RAB5B: variants seen among roughly 807,000 people sequenced by gnomAD.
RAB5B encodes ras-related protein Rab-5B.
In RAB5B, 11 loss-of-function variants were observed where a neutral mutation model predicts 28.6. The observed-to-expected ratio is 0.38, with a 90% CI of 0.24 to 0.64. The LOEUF is 0.64. Among genes scored for constraint, RAB5B ranks in the 30% least tolerant of loss-of-function variants. The probability of loss-of-function intolerance (pLI) is 0.53; values close to 1 mark genes in which losing one functional copy is unlikely to be tolerated. For missense variants in RAB5B, 169 were observed against 265.6 expected (o/e 0.64, Z 2.53); for synonymous variants, 93 against 97.9 (o/e 0.95, Z 0.29).
chr12:55,989,734 T>A (rs1243904927), intron 2 of RAB5B, among the ~76,000 whole-genome samples: 1 of 152,238 alleles, frequency 6.6e-6, no homozygotes, highest in African/African-American at 2.4e-5. Flanking sequence ...CCTTAGCTAG[T>A]GACATTTCTG....
At chr12:55,979,616 G>A (rs1186109564) in intron 1 of RAB5B, 2 of 152,174 alleles carry the variant, frequency 1.3e-5, no homozygotes. Context: ...GTCCTGGCAG[G>A]GTTTGGTCAT....
At chr12:55,981,789 C>G (rs918883024) in intron 1 of RAB5B, among the ~76,000 whole-genome samples, 8 of 150,872 alleles carry the variant, frequency 5.3e-5, no homozygotes, top group Admixed American at 5.3e-4. Flanking sequence ...ATAAGTCATT[C>G]TTGTAGAGCC....
intron 2 of RAB5B, among the ~76,000 whole-genome samples, chr12:55,987,979 C>T (rs1308786259): frequency 2.0e-5 from 3 of 152,044 alleles, no homozygotes; most frequent in African/African-American, 7.2e-5. Context: ...AAATCCCCGT[C>T]TCTACTAAAA....
chr12:55,990,655 C>G, intron 3 of RAB5B, 27 bp from the exon 4 acceptor site: 1 of 1,612,070 alleles, frequency 6.2e-7, no homozygotes, highest in South Asian at 1.1e-5. Context: ...TCATTCCAGC[C>G]TACTCATTCT....
intron 1 of RAB5B, among the ~76,000 whole-genome samples, chr12:55,984,979 ATAT>A (rs1889914007): frequency 6.6e-6 from 1 of 152,180 alleles, no homozygotes; most frequent in South Asian, 2.1e-4. Flanking sequence ...TAGTAGCTTA[ATAT>A]TTATTTAGCA....
chr12:55,992,416 C>A lies in RAB5B; in HGVS notation c.*204C>A, dbSNP rs533884973. 2 of 685,194 alleles carry A rather than the reference C, an allele frequency of 2.9e-6. No individual in the cohort carries two copies. Among genetic ancestry groups the A allele is most frequent in the Non-Finnish European group, 2.7e-6 (1 of 376,982 alleles). 42.4% of individuals were successfully genotyped at this position (685,194 alleles called of 1,614,324 possible). On this transcript the variant is annotated 3_prime_UTR_variant, in exon 6 of 6. Coordinates refer to ENST00000360299, the MANE Select transcript of RAB5B (RefSeq NM_002868.4). ...AGCTGTTGCCACTGGCCTCCTACCC[C>A]CTACTCTGGGGCTTGGGGGTCAACT...
chr12:55,993,433 T>C lies in RAB5B; in HGVS notation c.*1221T>C, dbSNP rs1890197029. 1 of 152,620 alleles carries C rather than the reference T, an allele frequency of 6.6e-6. No homozygotes were observed. Among genetic ancestry groups the C allele is most frequent in the African/African-American group, 2.4e-5 (1 of 41,442 alleles). 9.5% of individuals were successfully genotyped at this position (152,620 alleles called of 1,614,324 possible). ...AGGTTTGCCTTTCCTGGAGAATTAA[T>C]TGAGCAATTGAGGAGTGTCTCAGGA... On this transcript the variant is annotated 3_prime_UTR_variant, in exon 6 of 6. Coordinates refer to ENST00000360299, the MANE Select transcript of RAB5B (RefSeq NM_002868.4).
intron 3 of RAB5B, 47 bp downstream of exon 3, chr12:55,990,145 T>C: frequency 3.2e-6 from 5 of 1,563,148 alleles, no homozygotes; most frequent in Non-Finnish European, 4.3e-6. Flanking sequence ...CATGGTGGCT[T>C]ACGCCTATAA....
At chr12:55,988,958 T>TG (rs869267522) in intron 2 of RAB5B, among the ~76,000 whole-genome samples, 4 of 147,252 alleles carry the variant, frequency 2.7e-5, no homozygotes, top group African/African-American at 7.6e-5. Flanking sequence ...TTTTTTTTTT[T>TG]GGATACTGAG....
chr12:55,996,003 A>ATATATTTT lies in RAB5B; in HGVS notation c.*3792_*3793insATATTTTT. ...TATATACATATATATATATATATAT[A>ATATATTTT]TTTTTTTTTTAACAACTGGTAGGAT... is the stretch of plus-strand genomic sequence containing the variant. On this transcript the variant is annotated 3_prime_UTR_variant, in exon 6 of 6. Coordinates refer to ENST00000360299, the MANE Select transcript of RAB5B (RefSeq NM_002868.4). 1.1e-3 allele frequency: 108 copies of ATATATTTT among 97,386 alleles called. 1 individual carries two copies. Among genetic ancestry groups the ATATATTTT allele is most frequent in the Non-Finnish European group, 1.5e-3 (77 of 50,474 alleles). The allele number at this position is 97,386 out of a possible 1,614,324, so 6.0% of individuals were successfully genotyped here.
chr12:55,980,332 A>G, intron 1 of RAB5B: 1 of 1,012,056 alleles, frequency 9.9e-7, no homozygotes, highest in South Asian at 1.3e-5. Context: ...GTGTCCCTCC[A>G]AGCCCCTCTG....
Position 55,992,415 on chromosome 12 carries a change from C to G in RAB5B, c.*203C>G. 1 of 685,270 alleles carries G rather than the reference C, an allele frequency of 1.5e-6. No homozygotes were observed. Among genetic ancestry groups the G allele is most frequent in the Non-Finnish European group, 2.7e-6 (1 of 377,174 alleles). The allele number at this position is 685,270 out of a possible 1,614,324, so 42.4% of individuals were successfully genotyped here. A position where few individuals can be genotyped will look rare whatever the true frequency, so the allele number is the denominator to read the frequency against. ...CAGCTGTTGCCACTGGCCTCCTACC[C>G]CCTACTCTGGGGCTTGGGGGTCAAC... On this transcript the variant is annotated 3_prime_UTR_variant, in exon 6 of 6. Coordinates refer to ENST00000360299, the MANE Select transcript of RAB5B (RefSeq NM_002868.4).
intron 1 of RAB5B, chr12:55,979,568 T>C (rs1889741698): frequency 6.6e-6 from 1 of 152,230 alleles, no homozygotes. Flanking sequence ...ACCGCTTGTT[T>C]TCCTATTGCC....
At chr12:55,986,178 G>C (rs1889945973) in intron 1 of RAB5B, among the ~76,000 whole-genome samples, 1 of 152,174 alleles carries the variant, frequency 6.6e-6, no homozygotes, top group Admixed American at 6.5e-5. Flanking sequence ...CAGGCACGGT[G>C]GCTCATGCCT....
rs1485405074 is a variant in RAB5B at position 55,993,106 on chromosome 12, T to C, written c.*894T>C. On this transcript the variant is annotated 3_prime_UTR_variant, in exon 6 of 6. Coordinates refer to ENST00000360299, the MANE Select transcript of RAB5B (RefSeq NM_002868.4). ...TTTCTGGTACCCATCCTCTGATTTA[T>C]ACATATGCATTTTTTCCCCTCTGGC... 1 of 154,432 alleles carries C rather than the reference T, an allele frequency of 6.5e-6. No homozygotes were observed. Among genetic ancestry groups the C allele is most frequent in the African/African-American group, 2.4e-5 (1 of 41,456 alleles). The allele number at this position is 154,432 out of a possible 1,614,324, so 9.6% of individuals were successfully genotyped here.
chr12:55,996,003 A>ATATTTTTTTT lies in RAB5B; in HGVS notation c.*3792_*3793insATTTTTTTTT. On this transcript the variant is annotated 3_prime_UTR_variant, in exon 6 of 6. Transcript: ENST00000360299. ...TATATACATATATATATATATATAT[A>ATATTTTTTTT]TTTTTTTTTTAACAACTGGTAGGAT... 21 of 97,402 alleles carry ATATTTTTTTT rather than the reference A, an allele frequency of 2.2e-4. No homozygotes were observed. The highest frequency in any genetic ancestry group is 8.6e-4 in the South Asian group (3 of 3,486). 6.0% of individuals were successfully genotyped at this position (97,402 alleles called of 1,614,324 possible).
Position 55,992,680 on chromosome 12 carries a change from G to A in RAB5B, c.*468G>A. On this transcript the variant is annotated 3_prime_UTR_variant, in exon 6 of 6. Coordinates refer to ENST00000360299, the MANE Select transcript of RAB5B (RefSeq NM_002868.4). ...CAGGAACTGAGGAAGGAGGTTTCCAGTTCATTTACATTAAGGGCCCTGGGG... is the reference window on the plus strand; with the variant it reads ...CAGGAACTGAGGAAGGAGGTTTCCAATTCATTTACATTAAGGGCCCTGGGG... 2.6e-6 allele frequency: 1 copy of A among 388,716 alleles called. No homozygotes were observed. The highest frequency in any genetic ancestry group is 2.0e-5 in the South Asian group (1 of 50,130). The allele number at this position is 388,716 out of a possible 1,614,324, so 24.1% of individuals were successfully genotyped here.
chr12:55,991,588 T>TA, intron 5 of RAB5B, 135 bp downstream of exon 5: 1 of 657,306 alleles, frequency 1.5e-6, no homozygotes, highest in South Asian at 1.8e-5. Context: ...AACTTTCTGT[T>TA]ATGACCTCCA....
intron 1 of RAB5B, chr12:55,980,366 T>C: frequency 1.5e-6 from 2 of 1,373,418 alleles, no homozygotes; most frequent in Non-Finnish European, 2.1e-6. Context: ...GCTCACTCCC[T>C]CTGCTGTTGT....
Sources: allele counts gnomAD v4.1 joint callset (sites outside exome capture counted in the v4.1 genomes callset), GRCh38; gene constraint gnomAD v4.1.1; transcripts MANE v1.5; gene names NCBI Gene and HGNC (gene_info 2026-07-23, HGNC 2026-07-21).